The following H4C6 variants were observed in gnomAD, a reference collection of about 807,000 sequenced individuals.
H4C6 encodes the protein histone H4.
Under a neutral mutation model 5.7 loss-of-function variants are expected in H4C6, and 8 were observed. That is an observed-to-expected ratio of 1.41 (90% confidence interval 0.82 to 2.54). The LOEUF (loss-of-function observed/expected upper bound fraction) is 2.54, where lower values mean the gene tolerates loss of function less well. Among genes scored for constraint, H4C6 ranks in the 30% most tolerant of loss-of-function variants. H4C6 has a pLI of 0.00. For missense variants in H4C6, 230 were observed against 145.9 expected (o/e 1.58, Z -2.97); for synonymous variants, 124 against 57.0 (o/e 2.18, Z -5.30).
chr6:26,240,664 AGACAGT>A lies in H4C6; in HGVS notation c.240_245del (p.Lys80_Val82delinsAsn). On this transcript the variant is annotated inframe_deletion, in exon 1 of 1. Transcript: ENST00000244537. ...ACCTACACGGAGCACGCCAAGCGTA[AGACAGT>A]CACTGCAATGGATGTTGTCTACGCG... is the stretch of plus-strand genomic sequence containing the variant. The A allele has an allele frequency of 6.2e-7, 1 of 1,613,126 alleles. No homozygotes were observed. Among genetic ancestry groups the A allele is most frequent in the Non-Finnish European group, 8.5e-7 (1 of 1,179,344 alleles).
Position 26,240,438 on chromosome 6 carries a change from G to C in H4C6, c.13G>C (p.Gly5Arg). The change falls in exon 1 of 1, where the codon GGC (glycine) becomes CGC (arginine). Residue 5 changes from glycine to arginine, a missense_variant. By Grantham distance (125) the Gly-to-Arg change is moderately radical. Transcript: ENST00000244537. ...TTTGTCTTCGATCATGTCTGGTAGA[G>C]GCAAAGGTGGTAAAGGTTTAGGAAA... is the stretch of plus-strand genomic sequence containing the variant. Reference protein sequence around the residue: MSGRGKGGKGLGKGG... With the variant: MSGRRKGGKGLGKGG... 6.4e-7 allele frequency: 1 copy of C among 1,570,656 alleles called. No individual in the cohort carries two copies. The highest frequency in any genetic ancestry group is 8.7e-7 in the Non-Finnish European group (1 of 1,154,304).
chr6:26,240,473 C>A lies in H4C6; in HGVS notation c.48C>A (p.Ala16=), dbSNP rs534839321. The A allele has an allele frequency of 4.4e-6, 7 of 1,599,168 alleles. No homozygotes were observed. In the African/African-American group the frequency reaches 9.4e-5, roughly 21 times the overall value. ...GTAAAGGTTTAGGAAAGGGAGGCGC[C>A]AAGCGCCATCGCAAAGTGCTGCGTG... is the stretch of plus-strand genomic sequence containing the variant. ...KGGKGLGKGG[A]KRHRKVLRDN... Residue 16 remains alanine, a synonymous_variant, in exon 1 of 1, where the codon GCC becomes GCA. Coordinates refer to ENST00000244537, the MANE Select transcript of H4C6 (RefSeq NM_003540.4).
rs772202263 is a variant in H4C6, at chr6:26,240,551, C to T, written c.126C>T (p.Gly42=). ...KPAIRRLARR[G]GVKRISGLIY... ...CCATCCGTCGCTTGGCCCGACGCGG[C>T]GGCGTGAAACGCATTTCGGGCCTCA... The change falls in exon 1 of 1, where the codon GGC becomes GGT. Residue 42 remains glycine (G), a synonymous_variant. Transcript: ENST00000244537. 4 of 1,614,090 alleles carry T rather than the reference C, an allele frequency of 2.5e-6. No individual in the cohort carries two copies. The highest frequency in any genetic ancestry group is 3.4e-6 in the Non-Finnish European group (4 of 1,179,910).
rs1202987486 is a variant in H4C6 at position 26,240,469 on chromosome 6, G to T, written c.44G>T (p.Gly15Val). ...GGTGGTAAAGGTTTAGGAAAGGGAG[G>T]CGCCAAGCGCCATCGCAAAGTGCTG... Reference protein sequence around the residue: ...GKGGKGLGKGGAKRHRKVLRD... With the variant: ...GKGGKGLGKGVAKRHRKVLRD... Residue 15 changes from glycine to valine, a missense_variant, in exon 1 of 1, where the codon GGC becomes GTC. Physicochemically the swap from Gly to Val is moderately radical, Grantham distance 109 (BLOSUM62 -3). Coordinates refer to ENST00000244537, the MANE Select transcript of H4C6 (RefSeq NM_003540.4). The T allele has an allele frequency of 5.6e-6, 9 of 1,595,642 alleles. No homozygotes were observed. The highest frequency in any genetic ancestry group is 3.3e-4 in the Middle Eastern group (2 of 5,998).
rs1160733006 is a variant in H4C6 at position 26,240,570 on chromosome 6, G to T, written c.145G>T (p.Gly49Cys). Residue 49 changes from glycine to cysteine, a missense_variant, in exon 1 of 1, where the codon GGC becomes TGC. Physicochemically the swap from Gly to Cys is radical, Grantham distance 159 (BLOSUM62 -3). Transcript: ENST00000244537. ...ACGCGGCGGCGTGAAACGCATTTCGGGCCTCATTTATGAGGAGACCCGCGG... is the reference window on the plus strand; with the variant it reads ...ACGCGGCGGCGTGAAACGCATTTCGTGCCTCATTTATGAGGAGACCCGCGG... ...ARRGGVKRIS[G>C]LIYEETRGVL... is the part of the protein sequence containing the mutation. The T allele has an allele frequency of 6.2e-7, 1 of 1,614,202 alleles. No individual in the cohort carries two copies. Among genetic ancestry groups the T allele is most frequent in the Non-Finnish European group, 8.5e-7 (1 of 1,179,996 alleles).
At position 26,240,780 on chromosome 6, in the gene H4C6, C is replaced by T. The variant is rs201595082; in HGVS notation, c.*43C>T. On this transcript the variant is annotated 3_prime_UTR_variant, in exon 1 of 1. Transcript: ENST00000244537. ...TATTTAACAGCTCACCCATAAAAGG[C>T]CCTTTTCAGGGCCACCTCCTTCGTC... The T allele has an allele frequency of 2.1e-4, 316 of 1,497,008 alleles. No homozygotes were observed. Among genetic ancestry groups the T allele is most frequent in the Non-Finnish European group, 2.6e-4 (295 of 1,113,746 alleles). The allele number at this position is 1,497,008 out of a possible 1,614,324, so 92.7% of individuals were successfully genotyped here.
rs1222713168 is a variant in H4C6 at position 26,240,505 on chromosome 6, T to TA, written c.81dup (p.Gln28ThrfsTer26). ...CATCGCAAAGTGCTGCGTGACAACA[T>TA]ACAGGGCATCACGAAGCCCGCCATC... On this transcript the variant is annotated frameshift_variant, in exon 1 of 1. Transcript: ENST00000244537. LOFTEE classifies it high-confidence loss of function. The TA allele has an allele frequency of 1.9e-6, 3 of 1,613,564 alleles. No individual in the cohort carries two copies. The highest frequency in any genetic ancestry group is 1.1e-5 in the South Asian group (1 of 91,050).
At position 26,240,634 on chromosome 6, in the gene H4C6, C is replaced by G; in HGVS notation, c.209C>G (p.Ala70Gly). The G allele has an allele frequency of 6.2e-7, 1 of 1,614,198 alleles. No individual in the cohort carries two copies. The highest frequency in any genetic ancestry group is 8.5e-7 in the Non-Finnish European group (1 of 1,180,006). ...KVFLENVIRD[A>G]VTYTEHAKRK... is the part of the protein sequence containing the mutation. ...TTCCTGGAGAATGTGATACGGGACG[C>G]CGTAACCTACACGGAGCACGCCAAG... The change falls in exon 1 of 1, where the codon GCC becomes GGC. Residue 70 changes from alanine (A) to glycine (G), a missense_variant. Coordinates refer to ENST00000244537, the MANE Select transcript of H4C6 (RefSeq NM_003540.4).
chr6:26,240,601 T>G lies in H4C6; in HGVS notation c.176T>G (p.Leu59Arg), dbSNP rs757695303. ...GLIYEETRGV[L>R]KVFLENVIRD... ...ATTTATGAGGAGACCCGCGGTGTTC[T>G]TAAGGTGTTCCTGGAGAATGTGATA... The change falls in exon 1 of 1, where the codon CTT becomes CGT. Residue 59 changes from leucine to arginine, a missense_variant. Leu to Arg is a moderately radical substitution (Grantham distance 102, BLOSUM62 -2). Transcript: ENST00000244537. The G allele has an allele frequency of 6.2e-7, 1 of 1,614,238 alleles. No homozygotes were observed. Among genetic ancestry groups the G allele is most frequent in the Non-Finnish European group, 8.5e-7 (1 of 1,180,032 alleles).
At position 26,240,474 on chromosome 6, in the gene H4C6, A is replaced by T. The variant is rs751477347; in HGVS notation, c.49A>T (p.Lys17Ter). 8 of 1,600,004 alleles carry T rather than the reference A, an allele frequency of 5.0e-6. No individual in the cohort carries two copies. The Admixed American group carries it at 6.7e-5, about 13-fold the overall frequency. ...GGKGLGKGGA[K>*]RHRKVLRDNI... ...TAAAGGTTTAGGAAAGGGAGGCGCC[A>T]AGCGCCATCGCAAAGTGCTGCGTGA... Residue 17 changes from lysine to a stop codon, truncating the protein, a stop_gained, in exon 1 of 1, where the codon AAG (lysine) becomes TAG (stop). Transcript: ENST00000244537. LOFTEE classifies it high-confidence loss of function.
At position 26,240,400 on chromosome 6, in the gene H4C6, T is replaced by C. The variant is rs754523257; in HGVS notation, c.-26T>C. The C allele has an allele frequency of 3.8e-5, 57 of 1,505,652 alleles. No homozygotes were observed. Among genetic ancestry groups the C allele is most frequent in the Non-Finnish European group, 4.6e-5 (51 of 1,117,754 alleles). The allele number at this position is 1,505,652 out of a possible 1,614,324, so 93.3% of individuals were successfully genotyped here. A position where few individuals can be genotyped will look rare whatever the true frequency, so the allele number is the denominator to read the frequency against. On this transcript the variant is annotated 5_prime_UTR_variant, in exon 1 of 1. Coordinates refer to ENST00000244537, the MANE Select transcript of H4C6 (RefSeq NM_003540.4). ...TCAGTGTGTAGCAAAGTTGCAAAAG[T>C]TAAGAGTTGTTGTTTGTCTTCGATC...
rs551545691 is a variant in H4C6, at chr6:26,240,406, G to T, written c.-20G>T. ...TGTAGCAAAGTTGCAAAAGTTAAGA[G>T]TTGTTGTTTGTCTTCGATCATGTCT... On this transcript the variant is annotated 5_prime_UTR_variant, in exon 1 of 1. Transcript: ENST00000244537. 5.2e-6 allele frequency: 8 copies of T among 1,527,794 alleles called. No homozygotes were observed. In the South Asian group the frequency reaches 1.0e-4, roughly 20 times the overall value. 94.6% of individuals were successfully genotyped at this position (1,527,794 alleles called of 1,614,324 possible). A position where few individuals can be genotyped will look rare whatever the true frequency, so the allele number is the denominator to read the frequency against.
In H4C6 at chr6:26,240,606, G is replaced by A. The variant is rs1202713839; in HGVS notation, c.181G>A (p.Val61Met). ...TGAGGAGACCCGCGGTGTTCTTAAG[G>A]TGTTCCTGGAGAATGTGATACGGGA... The part of the protein sequence containing the change: ...IYEETRGVLK[V>M]FLENVIRDAV... The change falls in exon 1 of 1, where the codon GTG (valine) becomes ATG (methionine). Residue 61 changes from valine (V) to methionine (M), a missense_variant. By Grantham distance (21) the Val-to-Met change is conservative. Transcript: ENST00000244537. 1.2e-6 allele frequency: 2 copies of A among 1,614,126 alleles called. No homozygotes were observed. Among genetic ancestry groups the A allele is most frequent in the Non-Finnish European group, 1.7e-6 (2 of 1,180,036 alleles).
rs1178365325 is a variant in H4C6, at chr6:26,240,598, T to C, written c.173T>C (p.Val58Ala). Residue 58 changes from valine to alanine, a missense_variant, in exon 1 of 1, where the codon GTT becomes GCT. Coordinates refer to ENST00000244537, the MANE Select transcript of H4C6 (RefSeq NM_003540.4). ...CTCATTTATGAGGAGACCCGCGGTG[T>C]TCTTAAGGTGTTCCTGGAGAATGTG... is the stretch of plus-strand genomic sequence containing the variant. ...SGLIYEETRG[V>A]LKVFLENVIR... 6.2e-7 allele frequency: 1 copy of C among 1,614,206 alleles called. No homozygotes were observed. The highest frequency in any genetic ancestry group is 8.5e-7 in the Non-Finnish European group (1 of 1,180,028).
chr6:26,240,626 A>G lies in H4C6; in HGVS notation c.201A>G (p.Ile67Met), dbSNP rs759278134. ...TTAAGGTGTTCCTGGAGAATGTGAT[A>G]CGGGACGCCGTAACCTACACGGAGC... ...GVLKVFLENV[I>M]RDAVTYTEHA... Residue 67 changes from isoleucine to methionine, a missense_variant, in exon 1 of 1, where the codon ATA becomes ATG. Coordinates refer to ENST00000244537, the MANE Select transcript of H4C6 (RefSeq NM_003540.4). 2 of 1,613,666 alleles carry G rather than the reference A, an allele frequency of 1.2e-6. No individual in the cohort carries two copies. The highest frequency in any genetic ancestry group is 2.2e-5 in the East Asian group (1 of 44,824).
Position 26,240,488 on chromosome 6 carries a change from A to G in H4C6, c.63A>G (p.Lys21=). 4 of 1,605,458 alleles carry G rather than the reference A, an allele frequency of 2.5e-6. No homozygotes were observed. The highest frequency in any genetic ancestry group is 3.4e-6 in the Non-Finnish European group (4 of 1,173,282). Residue 21 remains lysine (K), a synonymous_variant, in exon 1 of 1, where the codon AAA becomes AAG. Transcript: ENST00000244537. ...AGGGAGGCGCCAAGCGCCATCGCAA[A>G]GTGCTGCGTGACAACATACAGGGCA... is the stretch of plus-strand genomic sequence containing the variant. ...LGKGGAKRHR[K]VLRDNIQGIT...
rs780042600 is a variant in H4C6 at position 26,240,445 on chromosome 6, G to C, written c.20G>C (p.Gly7Ala). 2 of 1,577,722 alleles carry C rather than the reference G, an allele frequency of 1.3e-6. No individual in the cohort carries two copies. Among genetic ancestry groups the C allele is most frequent in the South Asian group, 1.2e-5 (1 of 86,204 alleles). The change falls in exon 1 of 1, where the codon GGT (glycine) becomes GCT (alanine). Residue 7 changes from glycine to alanine, a missense_variant. By Grantham distance (60) the Gly-to-Ala change is moderately conservative. Transcript: ENST00000244537. ...TCGATCATGTCTGGTAGAGGCAAAG[G>C]TGGTAAAGGTTTAGGAAAGGGAGGC... MSGRGK[G>A]GKGLGKGGAK...
Position 26,240,465 on chromosome 6 carries a change from G to T in H4C6, c.40G>T (p.Gly14Ter). The T allele has an allele frequency of 6.3e-7, 1 of 1,594,818 alleles. No individual in the cohort carries two copies. Among genetic ancestry groups the T allele is most frequent in the Non-Finnish European group, 8.6e-7 (1 of 1,166,970 alleles). ...RGKGGKGLGK[G>*]GAKRHRKVLR... The stretch of plus-strand genomic sequence containing the variant: ...CAAAGGTGGTAAAGGTTTAGGAAAG[G>T]GAGGCGCCAAGCGCCATCGCAAAGT... The change falls in exon 1 of 1, where the codon GGA becomes TGA. Residue 14 changes from glycine (G) to a stop codon, truncating the protein, a stop_gained. Transcript: ENST00000244537. LOFTEE classifies it high-confidence loss of function.
rs757259494 is a variant in H4C6, at chr6:26,240,476, G to A, written c.51G>A (p.Lys17=). ...AAGGTTTAGGAAAGGGAGGCGCCAA[G>A]CGCCATCGCAAAGTGCTGCGTGACA... ...GGKGLGKGGA[K]RHRKVLRDNI... is the part of the protein sequence containing the mutation. The change falls in exon 1 of 1, where the codon AAG becomes AAA. Residue 17 remains lysine, a synonymous_variant. Coordinates refer to ENST00000244537, the MANE Select transcript of H4C6 (RefSeq NM_003540.4). 7 of 1,600,500 alleles carry A rather than the reference G, an allele frequency of 4.4e-6. No individual in the cohort carries two copies. Among genetic ancestry groups the A allele is most frequent in the Non-Finnish European group, 8.5e-7 (1 of 1,169,952 alleles).
Sources: allele counts gnomAD v4.1 joint callset, GRCh38; gene constraint gnomAD v4.1.1; transcripts MANE v1.5; gene names NCBI Gene and HGNC (gene_info 2026-07-23, HGNC 2026-07-21).